Variants in CNTNAP2 observed in about 807,000 individuals in gnomAD.
CNTNAP2 encodes contactin-associated protein-like 2.
A neutral mutation model predicts 155.2 loss-of-function variants in CNTNAP2; 98 were observed. The ratio of observed to expected loss-of-function variants is 0.63; its 90% CI spans 0.54 to 0.75. The LOEUF (loss-of-function observed/expected upper bound fraction) is 0.75. Among genes scored for constraint, CNTNAP2 ranks in the 30% least tolerant of loss-of-function variants. The pLI is 0.00. For synonymous variants in CNTNAP2, 651 were observed against 631.2 expected (o/e 1.03, Z -0.47); for missense variants, 1,727 against 1,688.1 (o/e 1.02, Z -0.40).
chr7:146,772,611 G>C (rs1334275011), intron 1 of CNTNAP2, among the ~76,000 whole-genome samples: 2 of 152,132 alleles, frequency 1.3e-5, no homozygotes, highest in African/African-American at 2.4e-5. Flanking sequence ...AGAGGTTGCA[G>C]TGAGCCGAGC....
At chr7:146,748,143 C>CTTT (rs61495352) in intron 1 of CNTNAP2, among the ~76,000 whole-genome samples, 1,049 of 97,964 alleles carry the variant, frequency 0.011, 55 homozygotes, top group African/African-American at 0.035. Context: ...CTTTTCTTTT[C>CTTT]TTTTTTTTTT....
chr7:147,743,954 C>T (rs1412751853), intron 13 of CNTNAP2, among the ~76,000 whole-genome samples: 1 of 152,186 alleles, frequency 6.6e-6, no homozygotes, highest in African/African-American at 2.4e-5. Flanking sequence ...CCTGTGTGAC[C>T]TTGGGCAAGT....
chr7:147,471,217 C>G (rs1241121746), intron 10 of CNTNAP2, among the ~76,000 whole-genome samples: 1 of 152,180 alleles, frequency 6.6e-6, no homozygotes, highest in Admixed American at 6.5e-5. Flanking sequence ...GAGACCATAG[C>G]ATCACCTTGC....
intron 18 of CNTNAP2, among the ~76,000 whole-genome samples, chr7:148,173,639 AC>A (rs1794871915): frequency 6.6e-6 from 1 of 152,238 alleles, no homozygotes; most frequent in Non-Finnish European, 1.5e-5. Context: ...GCAGAATAAT[AC>A]CAAAGCACAT....
rs778569100 is a variant in CNTNAP2, at chr7:148,418,325, A to C, written c.*2709A>C. On this transcript the variant is annotated 3_prime_UTR_variant, in exon 24 of 24. Transcript: ENST00000361727. ...ATTCCCGCCCAAGCTCTCAGTGCCT[A>C]ATCCTGCTTTGTCATTCACATCTCA... 8 of 152,216 alleles carry C rather than the reference A, an allele frequency of 5.3e-5. No individual in the cohort carries two copies. The highest frequency in any genetic ancestry group is 1.2e-4 in the Non-Finnish European group (8 of 68,050). 9.4% of individuals were successfully genotyped at this position (152,216 alleles called of 1,614,324 possible).
chr7:147,695,443 C>T (rs1796147059), intron 13 of CNTNAP2, among the ~76,000 whole-genome samples: 1 of 152,136 alleles, frequency 6.6e-6, no homozygotes, highest in African/African-American at 2.4e-5. Context: ...ATCGAAGTTG[C>T]CAACTATAAC....
intron 1 of CNTNAP2, among the ~76,000 whole-genome samples, chr7:146,497,059 T>G (rs1797226656): frequency 6.6e-6 from 1 of 152,176 alleles, no homozygotes; most frequent in African/African-American, 2.4e-5. Context: ...CCTGTTTTAT[T>G]GTGTTCATTT....
intron 13 of CNTNAP2, among the ~76,000 whole-genome samples, chr7:147,884,764 T>C (rs1014802909): frequency 1.3e-5 from 2 of 152,226 alleles, no homozygotes; most frequent in African/African-American, 4.8e-5. Flanking sequence ...ACTGCTCTTC[T>C]GTGAGATTGG....
intron 5 of CNTNAP2, among the ~76,000 whole-genome samples, chr7:147,114,563 A>G (rs1448315782): frequency 6.6e-6 from 1 of 152,192 alleles, no homozygotes; most frequent in Non-Finnish European, 1.5e-5. Context: ...ACCATTAGGT[A>G]ATGCCCTTCT....
chr7:146,323,776 G>A (rs554807684), intron 1 of CNTNAP2, among the ~76,000 whole-genome samples: 1 of 152,186 alleles, frequency 6.6e-6, no homozygotes, highest in South Asian at 2.1e-4. Flanking sequence ...TATTCTTACA[G>A]TTGAAGGCTT....
intron 1 of CNTNAP2, among the ~76,000 whole-genome samples, chr7:146,416,331 C>G (rs980483724): frequency 6.6e-6 from 1 of 151,504 alleles, no homozygotes; most frequent in South Asian, 2.1e-4. Context: ...ATGTTAAGGA[C>G]GTACATCCAC....
intron 1 of CNTNAP2, among the ~76,000 whole-genome samples, chr7:146,734,720 T>G (rs1801582378): frequency 6.6e-6 from 1 of 152,228 alleles, no homozygotes; most frequent in Non-Finnish European, 1.5e-5. Flanking sequence ...ATGTTACTTG[T>G]ACTTGAACAA....
chr7:146,835,954 C>G (rs754206818), intron 2 of CNTNAP2, among the ~76,000 whole-genome samples: 1 of 152,082 alleles, frequency 6.6e-6, no homozygotes, highest in African/African-American at 2.4e-5. Flanking sequence ...GTTGACCAGT[C>G]GTTGCAGTTG....
chr7:146,690,988 G>A (rs1168629680), intron 1 of CNTNAP2, among the ~76,000 whole-genome samples: 1 of 152,114 alleles, frequency 6.6e-6, no homozygotes, highest in African/African-American at 2.4e-5. Context: ...TGATTATGCT[G>A]TGATTCTGGA....
At chr7:146,941,529 G>A (rs553017977) in intron 3 of CNTNAP2, among the ~76,000 whole-genome samples, 2 of 152,034 alleles carry the variant, frequency 1.3e-5, no homozygotes, top group South Asian at 2.1e-4. Flanking sequence ...TTTACACACC[G>A]CCATTATAGT....
intron 21 of CNTNAP2, among the ~76,000 whole-genome samples, chr7:148,319,502 C>T (rs549802162): frequency 6.6e-6 from 1 of 152,222 alleles, no homozygotes; most frequent in South Asian, 2.1e-4. Context: ...GGGCCATGGA[C>T]ACCTACCGTG....
In CNTNAP2 at chr7:146,322,634, C is replaced by CTTTTTTTTTTTTTTTTTTTTTTT. The variant is rs56287346; in HGVS notation, c.97+205679_97+205680insTTTTTTTTTTTTTTTTTTTTTTT. On this transcript the variant is annotated intron_variant, in intron 1 of 23. Transcript: ENST00000361727. Reference sequence around the variant, plus strand: ...AAGAGGAGACTGTTGTGTTCATTCTCTTTTTTTTTTTTTTTTTTGCTGGCT... The same window carrying CTTTTTTTTTTTTTTTTTTTTTTT: ...AAGAGGAGACTGTTGTGTTCATTCTCTTTTTTTTTTTTTTTTTTTTTTTTTTTTTTTTTTTTTTTTTGCTGGCT... Among the ~76,000 whole-genome samples, 10 of 64,962 alleles carry CTTTTTTTTTTTTTTTTTTTTTTT rather than the reference C, an allele frequency of 1.5e-4. 1 individual carries two copies. The highest frequency in any genetic ancestry group is 6.3e-4 in the East Asian group (1 of 1,596). 42.6% of individuals were successfully genotyped at this position (64,962 alleles called of 152,430 possible). A position where few individuals can be genotyped will look rare whatever the true frequency, so the allele number is the denominator to read the frequency against.
chr7:147,506,882 G>A (rs1040755086), intron 11 of CNTNAP2, among the ~76,000 whole-genome samples: 4 of 152,142 alleles, frequency 2.6e-5, no homozygotes, highest in African/African-American at 9.7e-5. Context: ...AAGGTCTGGG[G>A]TTCTAGCCCC....
intron 1 of CNTNAP2, among the ~76,000 whole-genome samples, chr7:146,192,198 C>G (rs147206600): frequency 1.7e-3 from 261 of 152,216 alleles, no homozygotes; most frequent in African/African-American, 6.0e-3. Flanking sequence ...CCACAACAAC[C>G]AATAACTTTA....
Sources: gnomAD v4.1 joint callset for allele counts (sites outside exome capture counted in the v4.1 genomes callset) on GRCh38, gnomAD v4.1.1 for gene constraint, MANE v1.5 for transcripts, NCBI Gene and HGNC (gene_info 2026-07-23, HGNC 2026-07-21) for gene names.